The following CAPZA1 variants were observed in gnomAD, a reference collection of about 807,000 sequenced individuals.
CAPZA1 encodes the protein capping actin protein of muscle Z-line subunit alpha 1.
In CAPZA1, 10 loss-of-function variants were observed where a neutral mutation model predicts 40.8. The observed-to-expected ratio is 0.25, with a 90% CI of 0.15 to 0.42. The LOEUF (loss-of-function observed/expected upper bound fraction) is 0.42. Among genes scored for constraint, CAPZA1 ranks in the 10% least tolerant of loss-of-function variants. The probability of loss-of-function intolerance (pLI) is 1.00; values close to 1 mark genes in which losing one functional copy is unlikely to be tolerated. For missense variants in CAPZA1, 277 were observed against 353.8 expected (o/e 0.78, Z 1.74); for synonymous variants, 98 against 115.0 (o/e 0.85, Z 0.95).
chr1:112,652,204 G>C (rs1453035348), intron 3 of CAPZA1, among the ~76,000 whole-genome samples: 1 of 151,638 alleles, frequency 6.6e-6, no homozygotes, highest in Non-Finnish European at 1.5e-5. Flanking sequence ...TTTAGAGGCT[G>C]GGCACGGTGG....
intron 5 of CAPZA1, among the ~76,000 whole-genome samples, chr1:112,655,228 C>T (rs1226791853): frequency 1.3e-5 from 2 of 152,036 alleles, no homozygotes; most frequent in Admixed American, 6.6e-5. Flanking sequence ...GCCTGTAATC[C>T]CAGCACTTTG....
intron 1 of CAPZA1, among the ~76,000 whole-genome samples, chr1:112,632,814 G>A (rs1185008567): frequency 4.6e-5 from 7 of 152,096 alleles, no homozygotes; most frequent in Non-Finnish European, 1.5e-5. Flanking sequence ...CTCTTAATTG[G>A]CTACTAATAG....
At chr1:112,649,350 A>G in intron 2 of CAPZA1, 68 bp from the exon 3 acceptor site, 1 of 1,165,536 alleles carries the variant, frequency 8.6e-7, no homozygotes, top group Non-Finnish European at 1.3e-6. Flanking sequence ...TAAAAATTCA[A>G]TCTAGAAATC....
intron 7 of CAPZA1, among the ~76,000 whole-genome samples, chr1:112,660,358 G>A (rs940018292): frequency 2.6e-5 from 4 of 152,138 alleles, no homozygotes; most frequent in African/African-American, 9.7e-5. Flanking sequence ...TCGGCTCTTC[G>A]CAATCTCTGG....
At chr1:112,631,174 T>C (rs574663589) in intron 1 of CAPZA1, among the ~76,000 whole-genome samples, 101 of 152,384 alleles carry the variant, frequency 6.6e-4, no homozygotes, top group African/African-American at 2.3e-3. Flanking sequence ...TTGACAATCC[T>C]ACTCTTTGTC....
rs749422218 is a variant in CAPZA1, at chr1:112,624,005, C to CAAAA, written c.39+4134_39+4137dup. On this transcript the variant is annotated intron_variant, in intron 1 of 9. Coordinates refer to ENST00000263168, the MANE Select transcript of CAPZA1 (RefSeq NM_006135.3). ...TGGGTGACAGAGCAAGACTCCATCT[C>CAAAA]AAAAAAAAAAAAAAAGAAAAAAGAA... 2.5e-4 allele frequency among the ~76,000 whole-genome samples: 19 copies of CAAAA among 74,762 alleles called. 1 individual carries two copies. Among genetic ancestry groups the CAAAA allele is most frequent in the African/African-American group, 5.0e-4 (8 of 16,052 alleles). The allele number at this position is 74,762 out of a possible 152,430, so 49.0% of individuals were successfully genotyped here.
At chr1:112,667,276 C>T in intron 8 of CAPZA1, 131 bp downstream of exon 8, 2 of 623,112 alleles carry the variant, frequency 3.2e-6, no homozygotes, top group Non-Finnish European at 5.7e-6. Context: ...TTGGCCACTT[C>T]TGTTAGTGCC....
intron 7 of CAPZA1, among the ~76,000 whole-genome samples, chr1:112,662,492 G>A (rs1051749459): frequency 5.8e-5 from 8 of 136,840 alleles, no homozygotes; most frequent in Admixed American, 1.7e-4. Context: ...TCCACCTCCC[G>A]GGTTCATGCC....
chr1:112,635,228 C>T (rs1670992207), intron 1 of CAPZA1, among the ~76,000 whole-genome samples: 1 of 152,052 alleles, frequency 6.6e-6, no homozygotes, highest in Non-Finnish European at 1.5e-5. Flanking sequence ...AGGATTTAGA[C>T]AGACCAAGAT....
At chr1:112,628,839 C>G (rs571566779) in intron 1 of CAPZA1, among the ~76,000 whole-genome samples, 16 of 152,358 alleles carry the variant, frequency 1.1e-4, no homozygotes, top group African/African-American at 3.6e-4. Flanking sequence ...TCACAATCCA[C>G]TTGTTGTCCA....
intron 1 of CAPZA1, among the ~76,000 whole-genome samples, chr1:112,627,218 A>G (rs1163408951): frequency 6.6e-6 from 1 of 152,214 alleles, no homozygotes; most frequent in Non-Finnish European, 1.5e-5. Flanking sequence ...CTTTAAGTAG[A>G]TAGTAAGATA....
In CAPZA1 at chr1:112,670,365, T is replaced by TTTC. The variant is rs1553181444; in HGVS notation, c.*235_*236insCTT. On this transcript the variant is annotated 3_prime_UTR_variant, in exon 10 of 10. Transcript: ENST00000263168. ...ATCTACGTGTAAATCTTTTTTTCTT[T>TTTC]TTTTTTTTTTTTTTTTGGTTAATTC... The TTTC allele has an allele frequency of 1.4e-5, 5 of 356,482 alleles. No homozygotes were observed. The highest frequency in any genetic ancestry group is 6.7e-5 in the African/African-American group (3 of 44,982). The allele number at this position is 356,482 out of a possible 1,614,324, so 22.1% of individuals were successfully genotyped here. A position where few individuals can be genotyped will look rare whatever the true frequency, so the allele number is the denominator to read the frequency against.
At chr1:112,635,997 C>G (rs1189985738) in intron 1 of CAPZA1, among the ~76,000 whole-genome samples, 1 of 152,068 alleles carries the variant, frequency 6.6e-6, no homozygotes, top group African/African-American at 2.4e-5. Context: ...CCACTGCACT[C>G]CAGCCTCGGT....
intron 1 of CAPZA1, among the ~76,000 whole-genome samples, chr1:112,622,860 G>A (rs980644943): frequency 5.3e-5 from 8 of 151,554 alleles, no homozygotes; most frequent in Non-Finnish European, 1.2e-4. Context: ...GGCTTTGTTA[G>A]AGCACATGAA....
chr1:112,644,187 T>TTTTTTTTG, intron 1 of CAPZA1, among the ~76,000 whole-genome samples: 1 of 85,022 alleles, frequency 1.2e-5, no homozygotes, highest in African/African-American at 3.8e-5. Context: ...CTCCCAGCTT[T>TTTTTTTTG]TTTTTTTTTT....
intron 1 of CAPZA1, among the ~76,000 whole-genome samples, chr1:112,624,925 A>G (rs1235255848): frequency 6.6e-6 from 1 of 152,208 alleles, no homozygotes; most frequent in Non-Finnish European, 1.5e-5. Flanking sequence ...CCCTGATTAC[A>G]AGACTGAGTT....
chr1:112,620,095 T>G (rs2101126082), intron 1 of CAPZA1: 1 of 515,406 alleles, frequency 1.9e-6, no homozygotes, highest in Non-Finnish European at 3.5e-6. Flanking sequence ...TCTCCTTTTC[T>G]CTCAGGCCTG....
chr1:112,632,601 T>C (rs1413208608), intron 1 of CAPZA1, among the ~76,000 whole-genome samples: 1 of 152,190 alleles, frequency 6.6e-6, no homozygotes, highest in Non-Finnish European at 1.5e-5. Context: ...CAAATCCTAG[T>C]TCAAAAGAGG....
chr1:112,651,935 GT>G (rs1404276903), intron 3 of CAPZA1, among the ~76,000 whole-genome samples: 2 of 151,678 alleles, frequency 1.3e-5, no homozygotes, highest in Non-Finnish European at 2.9e-5. Context: ...GGCCAACATG[GT>G]GAGACTCCCC....
Sources: gnomAD v4.1 joint callset for allele counts (sites outside exome capture counted in the v4.1 genomes callset) on GRCh38, gnomAD v4.1.1 for gene constraint, MANE v1.5 for transcripts, NCBI Gene and HGNC (gene_info 2026-07-23, HGNC 2026-07-21) for gene names.